Variants in EPB41L3 observed in about 807,000 individuals in gnomAD.
EPB41L3 encodes band 4.1-like protein 3.
EPB41L3 carries 57 observed loss-of-function variants against 127.1 expected under a neutral mutation model. The observed-to-expected ratio is 0.45, with a 90% CI of 0.36 to 0.56. The LOEUF is 0.56. EPB41L3 is among the 20% of genes least tolerant of loss of function. EPB41L3 has a pLI of 0.00. For synonymous variants in EPB41L3, 572 were observed against 549.5 expected (o/e 1.04, Z -0.57); for missense variants, 1,273 against 1,372.2 (o/e 0.93, Z 1.14).
At chr18:5,393,729 G>A (rs2072790380) in intron 22 of EPB41L3, 4 of 380,236 alleles carry the variant, frequency 1.1e-5, no homozygotes, top group Non-Finnish European at 1.9e-5. Context: ...TTATTCATTT[G>A]AGTAAAATGA....
intron 1 of EPB41L3, among the ~76,000 whole-genome samples, chr18:5,621,701 A>C (rs921545572): frequency 2.0e-5 from 3 of 152,236 alleles, no homozygotes; most frequent in Non-Finnish European, 4.4e-5. Context: ...TGATTGTGCC[A>C]CTGCACTCCA....
chr18:5,400,929 A>T, intron 16 of EPB41L3: 1 of 1,316,754 alleles, frequency 7.6e-7, no homozygotes, highest in Non-Finnish European at 1.1e-6. Context: ...AAGTCTGAAG[A>T]CCAATTTCTT....
At chr18:5,456,604 C>T (rs749756176) in intron 3 of EPB41L3, among the ~76,000 whole-genome samples, 10 of 152,180 alleles carry the variant, frequency 6.6e-5, no homozygotes, top group African/African-American at 1.7e-4. Context: ...CCTTCTCAAT[C>T]ATTAAATATT....
At chr18:5,528,786 T>TG (rs941148227) in intron 1 of EPB41L3, among the ~76,000 whole-genome samples, 10 of 151,870 alleles carry the variant, frequency 6.6e-5, no homozygotes, top group Non-Finnish European at 1.2e-4. Context: ...TTAGTAGAGA[T>TG]GGGGTTTCAC....
chr18:5,397,961 A>T lies in EPB41L3; in HGVS notation c.2472+60T>A, dbSNP rs1433344705. 3 of 1,607,474 alleles carry T rather than the reference A, an allele frequency of 1.9e-6. No homozygotes were observed. Among genetic ancestry groups the T allele is most frequent in the Non-Finnish European group, 2.5e-6 (3 of 1,176,654 alleles). On this transcript the variant is annotated intron_variant, in intron 17 of 22. Transcript: ENST00000341928. The surrounding 1 kb of genome is among the most constrained non-coding windows in gnomAD (Gnocchi z 4.1). ...CAACCACACACTCACGCCCAAAAAAAGGGTAAGGAAAGGCACATGGGCACA... is the reference window on the plus strand; with the variant it reads ...CAACCACACACTCACGCCCAAAAAATGGGTAAGGAAAGGCACATGGGCACA...
chr18:5,607,466 C>T (rs2094672718), intron 3 of EPB41L3, among the ~76,000 whole-genome samples: 1 of 152,144 alleles, frequency 6.6e-6, no homozygotes, highest in Non-Finnish European at 1.5e-5. Flanking sequence ...TTTCATGTCC[C>T]TCTGCTTTTG....
intron 12 of EPB41L3, among the ~76,000 whole-genome samples, chr18:5,417,184 A>G (rs17466502): frequency 9.2e-5 from 14 of 152,302 alleles, no homozygotes; most frequent in Non-Finnish European, 2.1e-4. Flanking sequence ...GATGCATAAT[A>G]ACAGAAAGAT....
chr18:5,623,761 C>A (rs2094891456), intron 1 of EPB41L3, among the ~76,000 whole-genome samples: 1 of 151,640 alleles, frequency 6.6e-6, no homozygotes. Flanking sequence ...GATTCTCATG[C>A]CTCAGCCTCC....
chr18:5,624,717 C>T (rs531724222), intron 1 of EPB41L3, among the ~76,000 whole-genome samples: 8 of 152,270 alleles, frequency 5.3e-5, no homozygotes, highest in South Asian at 4.1e-4. Flanking sequence ...GACAAGTTAC[C>T]GTGGAGCCCC....
rs763304062 is a variant in EPB41L3 at position 5,472,285 on chromosome 18, TC to T, written c.381+5955del. Among the ~76,000 whole-genome samples, 90 of 152,292 alleles carry T rather than the reference TC, an allele frequency of 5.9e-4. 1 individual carries two copies. Among genetic ancestry groups the T allele is most frequent in the Non-Finnish European group, 1.1e-3 (73 of 68,018 alleles). Reference sequence around the variant, plus strand: ...GTTAACAGTCCCTGTATGTAACTGTTCCTATGGTTGCACCAAAGAGCTATCA... The same window carrying T: ...GTTAACAGTCCCTGTATGTAACTGTTCTATGGTTGCACCAAAGAGCTATCA... On this transcript the variant is annotated intron_variant, in intron 3 of 22. Coordinates refer to ENST00000341928, the MANE Select transcript of EPB41L3 (RefSeq NM_012307.5).
At chr18:5,571,051 T>C (rs778373560) in intron 3 of EPB41L3, 4 of 152,226 alleles carry the variant, frequency 2.6e-5, no homozygotes, top group Non-Finnish European at 5.9e-5. Context: ...TGTGCATTGC[T>C]TTGAAATTTT....
chr18:5,544,024 G>A, upstream of EPB41L3: 1 of 985,610 alleles, frequency 1.0e-6, no homozygotes, highest in Non-Finnish European at 1.2e-6. Flanking sequence ...CCGCAGCCCA[G>A]GGCTGCTCGC....
chr18:5,565,300 T>C (rs2149226570), intron 3 of EPB41L3, among the ~76,000 whole-genome samples: 1 of 151,254 alleles, frequency 6.6e-6, no homozygotes, highest in East Asian at 1.9e-4. Flanking sequence ...TAATCCCAGA[T>C]ACTCGTGAGG....
At position 5,401,779 on chromosome 18, in the gene EPB41L3, TA is replaced by T. The variant is rs2074536299; in HGVS notation, c.2350-3637del. On this transcript the variant is annotated intron_variant, in intron 16 of 22. Coordinates refer to ENST00000341928, the MANE Select transcript of EPB41L3 (RefSeq NM_012307.5). The stretch of plus-strand genomic sequence containing the variant: ...AGGTTTTTGCTTTTTAACTTCTTTT[TA>T]TTTTTTTCTCTAGTATTAAATAGGC... 2.6e-5 allele frequency among the ~76,000 whole-genome samples: 4 copies of T among 152,162 alleles called. 1 individual carries two copies. The highest frequency in any genetic ancestry group is 9.6e-5 in the African/African-American group (4 of 41,458).
chr18:5,509,899 C>A (rs903812452), intron 1 of EPB41L3, among the ~76,000 whole-genome samples: 2 of 152,226 alleles, frequency 1.3e-5, no homozygotes, highest in Admixed American at 6.5e-5. Flanking sequence ...TAAACACATG[C>A]AAATGAGTGA....
chr18:5,512,793 A>G (rs1163555194), intron 1 of EPB41L3, among the ~76,000 whole-genome samples: 2 of 152,118 alleles, frequency 1.3e-5, no homozygotes, highest in African/African-American at 4.8e-5. Flanking sequence ...ACCATAAGGT[A>G]CCCTAAAATC....
chr18:5,610,735 C>T (rs2094716103), intron 3 of EPB41L3, among the ~76,000 whole-genome samples: 1 of 152,084 alleles, frequency 6.6e-6, no homozygotes. Flanking sequence ...TTTAGTTGTG[C>T]TACCAGTCAG....
intron 5 of EPB41L3, 145 bp downstream of exon 5, chr18:5,443,693 T>C: frequency 4.9e-6 from 3 of 607,868 alleles, no homozygotes; most frequent in Non-Finnish European, 8.5e-6. Flanking sequence ...AACTACAAAA[T>C]GAATACTATC....
intron 1 of EPB41L3, among the ~76,000 whole-genome samples, chr18:5,504,675 G>A (rs766363670): frequency 1.5e-4 from 23 of 152,292 alleles, no homozygotes; most frequent in Admixed American, 9.1e-4. Context: ...CTCCAGCTGG[G>A]TCCTGGCAGC....
Sources: allele counts gnomAD v4.1 joint callset (sites outside exome capture counted in the v4.1 genomes callset), GRCh38; gene constraint gnomAD v4.1.1; non-coding constraint Gnocchi (gnomAD v3.1); transcripts MANE v1.5; gene names NCBI Gene and HGNC (gene_info 2026-07-23, HGNC 2026-07-21).